The following CADM2 variants were observed in gnomAD, a reference collection of about 807,000 sequenced individuals.
The protein encoded by CADM2 is immunoglobulin superfamily member 4D.
In CADM2, 12 loss-of-function variants were observed where a neutral mutation model predicts 49.8. That is an observed-to-expected ratio of 0.24 (90% CI 0.15 to 0.39). The LOEUF (loss-of-function observed/expected upper bound fraction) is 0.39, where lower values mean the gene tolerates loss of function less well. CADM2 is among the 10% of genes least tolerant of loss of function. The pLI is 1.00. For synonymous variants in CADM2, 214 were observed against 175.4 expected (o/e 1.22, Z -1.74); for missense variants, 378 against 492.3 (o/e 0.77, Z 2.20).
chr3:86,039,809 G>A (rs1398096219), intron 8 of CADM2, among the ~76,000 whole-genome samples: 2 of 149,148 alleles, frequency 1.3e-5, no homozygotes, highest in African/African-American at 2.5e-5. Flanking sequence ...TGACCCCTGA[G>A]TAGCCTAATT....
chr3:86,021,784 A>G (rs1478732492), intron 8 of CADM2, among the ~76,000 whole-genome samples: 2 of 152,222 alleles, frequency 1.3e-5, no homozygotes, highest in African/African-American at 4.8e-5. Context: ...GTATTCAACT[A>G]TACAAAGATA....
In CADM2 at chr3:85,900,007, C is replaced by A. The variant is rs1478283435; in HGVS notation, c.530-12366C>A. On this transcript the variant is annotated intron_variant, in intron 5 of 9. Transcript: ENST00000383699. ...TTGCCTTCCAGGCTCCCAGCTTCAT[C>A]ACCTTAACTCAAAGAGGCCACCAAA... is the stretch of plus-strand genomic sequence containing the variant. Among the ~76,000 whole-genome samples the A allele has an allele frequency of 4.6e-5, 7 of 152,154 alleles. No individual in the cohort carries two copies. In the South Asian group the frequency reaches 1.4e-3, roughly 32 times the overall value.
intron 1 of CADM2, among the ~76,000 whole-genome samples, chr3:85,270,241 A>T (rs1470806226): frequency 6.6e-6 from 1 of 151,410 alleles, no homozygotes; most frequent in Non-Finnish European, 1.5e-5. Context: ...ATAAAATGGG[A>T]TATTCAGGGA....
chr3:85,719,062 G>A (rs576707297), intron 1 of CADM2, among the ~76,000 whole-genome samples: 85 of 151,840 alleles, frequency 5.6e-4, no homozygotes, highest in African/African-American at 1.6e-3. Context: ...ACAGGTGCCC[G>A]CCACCACGCC....
At chr3:85,609,840 A>G (rs752370930) in intron 1 of CADM2, among the ~76,000 whole-genome samples, 31 of 152,122 alleles carry the variant, frequency 2.0e-4, no homozygotes, top group Non-Finnish European at 4.0e-4. Flanking sequence ...GATGATTATT[A>G]TAATGGGGAT....
At chr3:85,044,811 T>C (rs1270242589) in intron 1 of CADM2, among the ~76,000 whole-genome samples, 1 of 151,046 alleles carries the variant, frequency 6.6e-6, no homozygotes, top group East Asian at 1.9e-4. Context: ...TTTCTTTTTT[T>C]TTTTTGGAAG....
chr3:85,290,973 G>A (rs2043776119), intron 1 of CADM2, among the ~76,000 whole-genome samples: 1 of 152,228 alleles, frequency 6.6e-6, no homozygotes, highest in South Asian at 2.1e-4. Context: ...GAAGGCTTCA[G>A]ACGATCAAAT....
Position 85,437,753 on chromosome 3 carries a change from C to T in CADM2, c.62-288769C>T, listed in dbSNP as rs114408583. ...AGATTCAAACCTCCATATATTAGAA[C>T]GTTTATGTTAGCCTCTCCATTTATT... On this transcript the variant is annotated intron_variant, in intron 1 of 9. Transcript: ENST00000383699. Among the ~76,000 whole-genome samples, 1,289 of 151,910 alleles carry T rather than the reference C, an allele frequency of 8.5e-3. 10 individuals are homozygous for T. Among genetic ancestry groups the T allele is most frequent in the Non-Finnish European group, 0.014 (942 of 67,920 alleles).
intron 2 of CADM2, among the ~76,000 whole-genome samples, chr3:85,753,838 A>G (rs2068977238): frequency 6.6e-6 from 1 of 152,184 alleles, no homozygotes; most frequent in Admixed American, 6.5e-5. Context: ...AGGGAGGGGC[A>G]AAAGGCAGAG....
intron 1 of CADM2, among the ~76,000 whole-genome samples, chr3:85,103,573 C>T (rs1310492117): frequency 2.6e-5 from 4 of 152,156 alleles, no homozygotes; most frequent in African/African-American, 9.6e-5. Flanking sequence ...AATGGAGGCA[C>T]AGAATAACCG....
At chr3:85,996,128 A>T (rs898838841) in intron 8 of CADM2, among the ~76,000 whole-genome samples, 11 of 150,660 alleles carry the variant, frequency 7.3e-5, no homozygotes, top group Admixed American at 2.0e-4. Flanking sequence ...AATAAAATAA[A>T]ATATAAGATT....
intron 1 of CADM2, among the ~76,000 whole-genome samples, chr3:85,077,430 A>G (rs1352686445): frequency 6.6e-6 from 1 of 152,030 alleles, no homozygotes; most frequent in African/African-American, 2.4e-5. Flanking sequence ...TAGCCCTACC[A>G]TAACTGTTAT....
intron 8 of CADM2, among the ~76,000 whole-genome samples, chr3:85,961,851 A>C (rs1724860151): frequency 6.6e-6 from 1 of 151,890 alleles, no homozygotes; most frequent in Non-Finnish European, 1.5e-5. Flanking sequence ...ACATACATAA[A>C]ATTTTTTTTT....
chr3:85,438,904 T>C (rs2107537873), intron 1 of CADM2, among the ~76,000 whole-genome samples: 1 of 152,188 alleles, frequency 6.6e-6, no homozygotes, highest in Admixed American at 6.6e-5. Context: ...CCTAGGCTGG[T>C]CTTGAACTCT....
chr3:85,759,618 GCTGCCACATAATA>G (rs1434057033), intron 2 of CADM2, among the ~76,000 whole-genome samples: 1 of 152,062 alleles, frequency 6.6e-6, no homozygotes, highest in African/African-American at 2.4e-5. Flanking sequence ...TTATTCATAA[GCTGCCACATAATA>G]CTTTGCTTTA....
intron 1 of CADM2, among the ~76,000 whole-genome samples, chr3:85,475,020 C>T (rs11127893): frequency 0.59 from 90,208 of 151,616 alleles, 28,254 homozygotes; most frequent in East Asian, 0.92. Context: ...CTCTCAGATC[C>T]ACCTTGAGAT....
chr3:85,991,884 C>A (rs1728811739), intron 8 of CADM2, among the ~76,000 whole-genome samples: 2 of 151,906 alleles, frequency 1.3e-5, no homozygotes, highest in Admixed American at 1.3e-4. Flanking sequence ...ATATATTGAC[C>A]TATGAAGTCG....
intron 1 of CADM2, among the ~76,000 whole-genome samples, chr3:85,170,637 T>C (rs1453215048): frequency 2.6e-5 from 4 of 152,170 alleles, no homozygotes; most frequent in African/African-American, 7.2e-5. Flanking sequence ...AGGCCTGTTT[T>C]TAACATTTTA....
intron 1 of CADM2, among the ~76,000 whole-genome samples, chr3:85,447,216 A>T (rs920356572): frequency 7.9e-5 from 12 of 151,654 alleles, no homozygotes; most frequent in African/African-American, 2.7e-4. Context: ...CAAAACAGAA[A>T]TCTACATCAT....
Sources: allele counts gnomAD v4.1 joint callset (sites outside exome capture counted in the v4.1 genomes callset), GRCh38; gene constraint gnomAD v4.1.1; transcripts MANE v1.5; gene names NCBI Gene and HGNC (gene_info 2026-07-23, HGNC 2026-07-21).